The following BICD1 variants were observed in gnomAD, a reference collection of about 807,000 sequenced individuals.
The protein encoded by BICD1 is BICD cargo adaptor 1.
A neutral mutation model predicts 92.5 loss-of-function variants in BICD1; 35 were observed. That is an observed-to-expected ratio of 0.38 (90% CI 0.29 to 0.50). The LOEUF (loss-of-function observed/expected upper bound fraction) is 0.50. BICD1 is among the 20% of genes least tolerant of loss of function. The pLI is 0.93. For synonymous variants in BICD1, 429 were observed against 465.1 expected (o/e 0.92, Z 1.00); for missense variants, 950 against 1,189.8 (o/e 0.80, Z 2.97).
At chr12:32,179,066 G>GTATTAA (rs1944200058) in intron 1 of BICD1, among the ~76,000 whole-genome samples, 1 of 152,000 alleles carries the variant, frequency 6.6e-6, no homozygotes, top group Non-Finnish European at 1.5e-5. Flanking sequence ...GATATATGGA[G>GTATTAA]TATTAACTGA....
Position 32,120,968 on chromosome 12 carries a change from A to ATTT in BICD1, c.213+13440_213+13442dup, listed in dbSNP as rs1276999379. Among the ~76,000 whole-genome samples the ATTT allele has an allele frequency of 7.0e-5, 9 of 128,482 alleles. 1 individual carries two copies. Among genetic ancestry groups the ATTT allele is most frequent in the South Asian group, 2.4e-4 (1 of 4,106 alleles). The allele number at this position is 128,482 out of a possible 152,430, so 84.3% of individuals were successfully genotyped here. On this transcript the variant is annotated intron_variant, in intron 1 of 9. Transcript: ENST00000652176. ...GCTTTTGAATTGTTGGCTCCATAGA[A>ATTT]TTTTTTTTTTTTTTTTTTGAGACGG...
Position 32,257,063 on chromosome 12 carries a change from A to G in BICD1, c.427-36931A>G, listed in dbSNP as rs559358229. Among the ~76,000 whole-genome samples, 16 of 152,170 alleles carry G rather than the reference A, an allele frequency of 1.1e-4. No individual in the cohort carries two copies. In the South Asian group the frequency reaches 3.3e-3, roughly 32 times the overall value. On this transcript the variant is annotated intron_variant, in intron 2 of 9. Transcript: ENST00000652176. ...CCCCGTCTCTGCTAAAAATACAAAA[A>G]TTAGCTGGGCATGGTGGCAGGTGCC...
chr12:32,288,336 A>G (rs1271200), intron 2 of BICD1, among the ~76,000 whole-genome samples: 77,023 of 150,590 alleles, frequency 0.51, 20,274 homozygotes, highest in Middle Eastern at 0.64. Context: ...GGCTCAAGCA[A>G]TCCTCCCACT....
At chr12:32,368,374 C>T (rs1939605049) in intron 9 of BICD1, among the ~76,000 whole-genome samples, 1 of 151,860 alleles carries the variant, frequency 6.6e-6, no homozygotes, top group South Asian at 2.1e-4. Flanking sequence ...CAAAACAAAA[C>T]AAAAAACACA....
chr12:32,372,759 C>T (rs1429630263), intron 9 of BICD1, among the ~76,000 whole-genome samples: 1 of 152,090 alleles, frequency 6.6e-6, no homozygotes, highest in Non-Finnish European at 1.5e-5. Flanking sequence ...CATCTGTAGT[C>T]CCAGCTACTC....
intron 8 of BICD1, 58 bp downstream of exon 8, chr12:32,339,037 C>G: frequency 6.8e-7 from 1 of 1,479,986 alleles, no homozygotes; most frequent in Non-Finnish European, 8.9e-7. Context: ...TAGACTCTCC[C>G]CTTCCTTCCG....
chr12:32,335,569 A>G (rs181329376), intron 6 of BICD1, among the ~76,000 whole-genome samples: 2 of 149,544 alleles, frequency 1.3e-5, no homozygotes, highest in African/African-American at 4.9e-5. Context: ...TGCAGTGTCA[A>G]AAAAGACCTA....
chr12:32,178,880 C>T (rs1944194455), intron 1 of BICD1, among the ~76,000 whole-genome samples: 1 of 151,862 alleles, frequency 6.6e-6, no homozygotes, highest in African/African-American at 2.4e-5. Flanking sequence ...CACTGCAGGC[C>T]GGGCATCATT....
intron 8 of BICD1, among the ~76,000 whole-genome samples, chr12:32,347,201 T>G (rs918033861): frequency 1.3e-5 from 2 of 151,792 alleles, no homozygotes; most frequent in African/African-American, 4.8e-5. Flanking sequence ...TCCTCCTGCC[T>G]CAGCCTTCCA....
At chr12:32,322,459 G>T (rs1948684612) in intron 4 of BICD1, among the ~76,000 whole-genome samples, 1 of 152,186 alleles carries the variant, frequency 6.6e-6, no homozygotes, top group Non-Finnish European at 1.5e-5. Context: ...CGCATGCGCA[G>T]TTCACAATAG....
At position 32,306,089 on chromosome 12, in the gene BICD1, A is replaced by T. The variant is rs777284267; in HGVS notation, c.972A>T (p.Ser324=). The change falls in exon 4 of 10, where the codon TCA becomes TCT. Residue 324 remains serine, a synonymous_variant. Transcript: ENST00000652176. Reference sequence around the variant, plus strand: ...ACTTATTCAGTGAGCTGAACATTTCAGAAATACAGAAGTTGAAGCAGCAGC... The same window carrying T: ...ACTTATTCAGTGAGCTGAACATTTCTGAAATACAGAAGTTGAAGCAGCAGC... ...VSDLFSELNI[S]EIQKLKQQLM... 2 of 1,606,572 alleles carry T rather than the reference A, an allele frequency of 1.2e-6. No individual in the cohort carries two copies. The highest frequency in any genetic ancestry group is 4.5e-5 in the East Asian group (2 of 44,856).
chr12:32,134,839 C>T (rs1426738701), intron 1 of BICD1, among the ~76,000 whole-genome samples: 1 of 152,190 alleles, frequency 6.6e-6, no homozygotes, highest in African/African-American at 2.4e-5. Flanking sequence ...ATATTGCAAG[C>T]TGATATCCCG....
chr12:32,345,361 A>G (rs1293963758), intron 8 of BICD1, among the ~76,000 whole-genome samples: 2 of 152,126 alleles, frequency 1.3e-5, no homozygotes, highest in Non-Finnish European at 2.9e-5. Context: ...TACTTGCTGT[A>G]TATTTTTCAA....
intron 1 of BICD1, among the ~76,000 whole-genome samples, chr12:32,123,083 G>GAT (rs3983581): frequency 0.37 from 56,045 of 151,876 alleles, 11,662 homozygotes; most frequent in Middle Eastern, 0.57. Flanking sequence ...GAGTTAAGTA[G>GAT]ATAGCACGTT....
intron 2 of BICD1, among the ~76,000 whole-genome samples, chr12:32,249,097 T>G (rs1946463912): frequency 6.6e-6 from 1 of 152,206 alleles, no homozygotes; most frequent in East Asian, 1.9e-4. Context: ...TCCCTTACTG[T>G]CTGCCTAAAG....
At chr12:32,259,923 AC>A (rs2136124173) in intron 2 of BICD1, among the ~76,000 whole-genome samples, 1 of 142,094 alleles carries the variant, frequency 7.0e-6, no homozygotes, top group South Asian at 2.3e-4. Context: ...TACACTACAC[AC>A]TTTTTTTTTT....
chr12:32,340,117 C>T, intron 8 of BICD1: 2 of 985,164 alleles, frequency 2.0e-6, no homozygotes, highest in Non-Finnish European at 2.4e-6. Flanking sequence ...TACCTTAATT[C>T]CTTTTTGCAA....
chr12:32,372,983 T>TATAATAATATA (rs1381209704), intron 9 of BICD1, among the ~76,000 whole-genome samples: 1 of 152,194 alleles, frequency 6.6e-6, no homozygotes, highest in Non-Finnish European at 1.5e-5. Context: ...TATTATAATA[T>TATAATAATATA]GAAAGGAATG....
At chr12:32,282,825 A>G (rs1359042397) in intron 2 of BICD1, among the ~76,000 whole-genome samples, 1 of 152,216 alleles carries the variant, frequency 6.6e-6, no homozygotes, top group African/African-American at 2.4e-5. Context: ...AGAGGAAGAT[A>G]CAGAGGTGGC....
Sources: gnomAD v4.1 joint callset for allele counts (sites outside exome capture counted in the v4.1 genomes callset) on GRCh38, gnomAD v4.1.1 for gene constraint, MANE v1.5 for transcripts, NCBI Gene and HGNC (gene_info 2026-07-23, HGNC 2026-07-21) for gene names.